GM2A: variants seen among roughly 807,000 people sequenced by gnomAD.
GM2A encodes ganglioside GM2 activator, also known as GM2 ganglioside activator.
Under a neutral mutation model 12.9 loss-of-function variants are expected in GM2A, and 7 were observed. That is an observed-to-expected ratio of 0.54 (90% confidence interval 0.31 to 1.02). GM2A has a LOEUF of 1.02. Ranked by LOEUF, GM2A falls within the 50% of genes least tolerant of loss-of-function variation. GM2A has a pLI of 0.05. For missense variants in GM2A, 246 were observed against 241.0 expected (o/e 1.02, Z -0.14); for synonymous variants, 101 against 96.0 (o/e 1.05, Z -0.30).
intron 1 of GM2A, among the ~76,000 whole-genome samples, chr5:151,255,255 A>T (rs1753664139): frequency 6.6e-6 from 1 of 152,202 alleles, no homozygotes; most frequent in African/African-American, 2.4e-5. Flanking sequence ...TACAGCTGAG[A>T]TTGCACCACT....
Position 151,268,246 on chromosome 5 carries a change from C to A in GM2A, c.*795C>A. 1 of 551,028 alleles carries A rather than the reference C, an allele frequency of 1.8e-6. No homozygotes were observed. The highest frequency in any genetic ancestry group is 2.3e-6 in the Non-Finnish European group (1 of 433,344). 34.1% of individuals were successfully genotyped at this position (551,028 alleles called of 1,614,324 possible). On this transcript the variant is annotated 3_prime_UTR_variant, in exon 4 of 4. Transcript: ENST00000357164. ...TCTCACCTCACTGCAACCTCCGCCT[C>A]CTGGGTTCAAGCAATTCTCCTGCCT...
chr5:151,268,425 T>G lies in GM2A; in HGVS notation c.*974T>G. 7.2e-6 allele frequency: 7 copies of G among 973,180 alleles called. No homozygotes were observed. Among genetic ancestry groups the G allele is most frequent in the Non-Finnish European group, 8.5e-6 (7 of 818,792 alleles). 60.3% of individuals were successfully genotyped at this position (973,180 alleles called of 1,614,324 possible). A position where few individuals can be genotyped will look rare whatever the true frequency, so the allele number is the denominator to read the frequency against. On this transcript the variant is annotated 3_prime_UTR_variant, in exon 4 of 4. Transcript: ENST00000357164. ...ACCTTGGCCTTGCAAAGCGCTGGAT[T>G]ACAGGCATGAGCCACTACACCCAGC...
intron 2 of GM2A, among the ~76,000 whole-genome samples, chr5:151,262,216 T>C (rs1426334841): frequency 1.3e-5 from 2 of 152,224 alleles, no homozygotes; most frequent in African/African-American, 4.8e-5. Context: ...TTTAATATGG[T>C]CCTTTCCTCT....
intron 2 of GM2A, among the ~76,000 whole-genome samples, chr5:151,265,969 C>T (rs1753878123): frequency 1.3e-5 from 2 of 152,176 alleles, no homozygotes; most frequent in African/African-American, 4.8e-5. Context: ...GAAAATGTGA[C>T]CCAAGAGCAG....
At chr5:151,263,636 G>A (rs930988779) in intron 2 of GM2A, among the ~76,000 whole-genome samples, 6 of 152,126 alleles carry the variant, frequency 3.9e-5, no homozygotes, top group Admixed American at 3.9e-4. Flanking sequence ...GGTGCTTGGT[G>A]TATTTGCAGG....
chr5:151,253,822 A>G (rs1561615666), intron 1 of GM2A, among the ~76,000 whole-genome samples: 1 of 152,086 alleles, frequency 6.6e-6, no homozygotes. Context: ...CCACTGAGAC[A>G]ACAGTCCCCG....
chr5:151,259,653 C>G, intron 1 of GM2A, 102 bp from the exon 2 acceptor site: 1 of 1,095,058 alleles, frequency 9.1e-7, no homozygotes, highest in Non-Finnish European at 1.4e-6. Flanking sequence ...GGTGCCTCAC[C>G]CAAGGTCACT....
chr5:151,269,343 C>G lies in GM2A; in HGVS notation c.*1892C>G. 1 of 985,430 alleles carries G rather than the reference C, an allele frequency of 1.0e-6. No homozygotes were observed. The allele number at this position is 985,430 out of a possible 1,614,324, so 61.0% of individuals were successfully genotyped here. ...TTTTGGTTGGAAGGGTTTGTTGGAA[C>G]GGTACAGGTGAGCCGAGGTGATTCC... On this transcript the variant is annotated 3_prime_UTR_variant, in exon 4 of 4. Coordinates refer to ENST00000357164, the MANE Select transcript of GM2A (RefSeq NM_000405.5).
rs760209124 is a variant in GM2A at position 151,268,697 on chromosome 5, A to G, written c.*1246A>G. ...ACTCTGTCTCAAAAAAAAAGTTTCA[A>G]TGTTTACTCCTAGAGAAGCCAAAAA... On this transcript the variant is annotated 3_prime_UTR_variant, in exon 4 of 4. Transcript: ENST00000357164. 46 of 566,506 alleles carry G rather than the reference A, an allele frequency of 8.1e-5. No homozygotes were observed. The highest frequency in any genetic ancestry group is 1.0e-4 in the Non-Finnish European group (45 of 448,038). 35.1% of individuals were successfully genotyped at this position (566,506 alleles called of 1,614,324 possible).
intron 2 of GM2A, among the ~76,000 whole-genome samples, chr5:151,265,921 C>T (rs1753877305): frequency 6.6e-6 from 1 of 152,168 alleles, no homozygotes; most frequent in Non-Finnish European, 1.5e-5. Context: ...TCTATACATT[C>T]CTATTGTTCT....
At chr5:151,257,807 T>TA (rs1753719886) in intron 1 of GM2A, among the ~76,000 whole-genome samples, 1 of 152,226 alleles carries the variant, frequency 6.6e-6, no homozygotes, top group Admixed American at 6.5e-5. Flanking sequence ...GGCCTGCACT[T>TA]ACATGTCTGA....
chr5:151,265,903 G>A (rs1398239778), intron 2 of GM2A, among the ~76,000 whole-genome samples: 3 of 152,192 alleles, frequency 2.0e-5, no homozygotes, highest in Admixed American at 2.0e-4. Context: ...CAGTCTCAAG[G>A]TGATCTTTCT....
chr5:151,262,742 T>A (rs1209150225), intron 2 of GM2A, among the ~76,000 whole-genome samples: 1 of 152,172 alleles, frequency 6.6e-6, no homozygotes, highest in Non-Finnish European at 1.5e-5. Flanking sequence ...GTCACACACA[T>A]TTATTTGTGT....
chr5:151,269,024 T>C lies in GM2A; in HGVS notation c.*1573T>C, dbSNP rs1350634173. The C allele has an allele frequency of 6.1e-6, 6 of 985,362 alleles. No individual in the cohort carries two copies. The highest frequency in any genetic ancestry group is 5.2e-4 in the Middle Eastern group (1 of 1,938). 61.0% of individuals were successfully genotyped at this position (985,362 alleles called of 1,614,324 possible). A position where few individuals can be genotyped will look rare whatever the true frequency, so the allele number is the denominator to read the frequency against. On this transcript the variant is annotated 3_prime_UTR_variant, in exon 4 of 4. Coordinates refer to ENST00000357164, the MANE Select transcript of GM2A (RefSeq NM_000405.5). ...GATCACAAGGCTGCCTGCCTCAGTCTTGGAGTCCTGTTGGGTGAATGAGGC... is the reference window on the plus strand; with the variant it reads ...GATCACAAGGCTGCCTGCCTCAGTCCTGGAGTCCTGTTGGGTGAATGAGGC...
At chr5:151,256,608 G>GAAAAAAAAA (rs60009533) in intron 1 of GM2A, among the ~76,000 whole-genome samples, 1 of 121,654 alleles carries the variant, frequency 8.2e-6, no homozygotes, top group Non-Finnish European at 1.7e-5. Context: ...TCTGTCTCAA[G>GAAAAAAAAA]AAAAAAAAAA....
intron 2 of GM2A, among the ~76,000 whole-genome samples, chr5:151,262,886 C>T (rs1404682160): frequency 6.6e-6 from 1 of 152,164 alleles, no homozygotes; most frequent in African/African-American, 2.4e-5. Context: ...AAGAAGCTGG[C>T]AAACCCGCTC....
chr5:151,266,161 A>G (rs1753881459), intron 2 of GM2A, among the ~76,000 whole-genome samples: 1 of 152,230 alleles, frequency 6.6e-6, no homozygotes, highest in African/African-American at 2.4e-5. Context: ...GAGCCAATCA[A>G]TGGGTAGTGA....
At chr5:151,257,111 A>G (rs1753704392) in intron 1 of GM2A, among the ~76,000 whole-genome samples, 1 of 152,112 alleles carries the variant, frequency 6.6e-6, no homozygotes, top group African/African-American at 2.4e-5. Context: ...TGTAGTACCC[A>G]TATCTCTGCC....
chr5:151,260,633 A>G (rs1753780067), intron 2 of GM2A, among the ~76,000 whole-genome samples: 1 of 152,220 alleles, frequency 6.6e-6, no homozygotes, highest in Non-Finnish European at 1.5e-5. Flanking sequence ...AAATAAATAA[A>G]TAAAATAAAT....
Sources: gnomAD v4.1 joint callset for allele counts (sites outside exome capture counted in the v4.1 genomes callset) on GRCh38, gnomAD v4.1.1 for gene constraint, MANE v1.5 for transcripts, NCBI Gene and HGNC (gene_info 2026-07-23, HGNC 2026-07-21) for gene names.